The following ZFHX3 variants were observed in gnomAD, a reference collection of about 807,000 sequenced individuals.
ZFHX3 encodes the protein zinc finger homeobox 3.
ZFHX3 carries 42 observed loss-of-function variants against 279.1 expected under a neutral mutation model. The observed-to-expected ratio is 0.15, with a 90% CI of 0.12 to 0.19. The LOEUF (loss-of-function observed/expected upper bound fraction) is 0.19, where lower values mean the gene tolerates loss of function less well. ZFHX3 is among the 10% of genes least tolerant of loss of function. The pLI, the probability that ZFHX3 is intolerant of heterozygous loss-of-function variation, is 1.00. For synonymous variants in ZFHX3, 2,293 were observed against 1,957.8 expected, an observed-to-expected ratio of 1.17 and a Z score of -4.52; for missense variants, 4,981 against 4,754.0, an observed-to-expected ratio of 1.05 and a Z score of -1.40.
At chr16:73,355,087 T>C (rs1204193014) in intron 3 of ZFHX3, among the ~76,000 whole-genome samples, 1 of 152,154 alleles carries the variant, frequency 6.6e-6, no homozygotes. Context: ...GCTAATCTCC[T>C]AGAGGTGTGT....
intron 7 of ZFHX3, among the ~76,000 whole-genome samples, chr16:72,810,774 C>T (rs1459529502): frequency 2.6e-5 from 4 of 152,112 alleles, no homozygotes; most frequent in Admixed American, 6.5e-5. Flanking sequence ...TTGGAAATTG[C>T]GGGTTCAAAT....
chr16:72,852,288 G>A (rs1597310897), intron 4 of ZFHX3, among the ~76,000 whole-genome samples: 1 of 152,210 alleles, frequency 6.6e-6, no homozygotes, highest in South Asian at 2.1e-4. Context: ...TATATACTAG[G>A]TCCAAATTCG....
intron 2 of ZFHX3, among the ~76,000 whole-genome samples, chr16:73,563,929 T>C (rs540699005): frequency 1.8e-4 from 27 of 152,276 alleles, no homozygotes; most frequent in African/African-American, 6.3e-4. Flanking sequence ...GACTGCTAGA[T>C]CAACTTCTCA....
At chr16:73,373,547 T>C (rs1036684525) in intron 3 of ZFHX3, among the ~76,000 whole-genome samples, 2 of 152,190 alleles carry the variant, frequency 1.3e-5, no homozygotes, top group Non-Finnish European at 2.9e-5. Context: ...GTTCAACTCC[T>C]GCTAGCCAGA....
chr16:73,883,962 C>G (rs1242725949), intron 1 of ZFHX3, among the ~76,000 whole-genome samples: 1 of 152,148 alleles, frequency 6.6e-6, no homozygotes, highest in East Asian at 1.9e-4. Flanking sequence ...AGATTCTTAT[C>G]TAAATCAAGT....
intron 2 of ZFHX3, among the ~76,000 whole-genome samples, chr16:73,621,844 A>G (rs562001378): frequency 6.6e-6 from 1 of 152,314 alleles, no homozygotes; most frequent in East Asian, 1.9e-4. Flanking sequence ...TTCAAACATA[A>G]AAATAGATAT....
At chr16:72,843,435 C>T (rs577838135) in intron 4 of ZFHX3, among the ~76,000 whole-genome samples, 2 of 149,752 alleles carry the variant, frequency 1.3e-5, no homozygotes, top group Admixed American at 6.7e-5. Context: ...GGCGTGAACC[C>T]GGGAGACGGA....
intron 3 of ZFHX3, among the ~76,000 whole-genome samples, chr16:72,897,981 A>G (rs2038939194): frequency 1.3e-5 from 2 of 152,202 alleles, no homozygotes; most frequent in South Asian, 2.1e-4. Context: ...CCAGGTGTTC[A>G]CCTTGAATGC....
At chr16:73,498,187 C>T (rs929047881) in intron 2 of ZFHX3, among the ~76,000 whole-genome samples, 2 of 152,190 alleles carry the variant, frequency 1.3e-5, no homozygotes, top group African/African-American at 4.8e-5. Flanking sequence ...CCCATCAACA[C>T]TCACCAAATT....
intron 6 of ZFHX3, chr16:73,137,153 G>C (rs890593346): frequency 6.6e-6 from 1 of 152,014 alleles, no homozygotes; most frequent in African/African-American, 2.4e-5. Flanking sequence ...TGATGAGATC[G>C]ATACTGCTTT....
intron 3 of ZFHX3, among the ~76,000 whole-genome samples, chr16:73,327,977 G>A (rs1208369818): frequency 2.6e-5 from 4 of 152,116 alleles, no homozygotes; most frequent in African/African-American, 4.8e-5. Context: ...TTCCTTTACT[G>A]GTCATCAACC....
At chr16:73,540,737 G>A (rs2019996706) in intron 2 of ZFHX3, among the ~76,000 whole-genome samples, 1 of 152,180 alleles carries the variant, frequency 6.6e-6, no homozygotes, top group African/African-American at 2.4e-5. Flanking sequence ...TGTGCTCGGT[G>A]AACATACTCC....
intron 1 of ZFHX3, among the ~76,000 whole-genome samples, chr16:73,058,130 G>A (rs2144738262): frequency 6.9e-6 from 1 of 145,592 alleles, no homozygotes; most frequent in East Asian, 2.0e-4. Context: ...GCCTGGCGGC[G>A]CCTCCAAACT....
rs927889037 is a variant in ZFHX3 at position 73,682,617 on chromosome 16, C to A, written c.-1607-2377G>T. On this transcript the variant is annotated intron_variant, in intron 1 of 17. Transcript: ENST00000641206. ...CCTGGCCAACATGGTGAAACCCCGTCTCTACTAAAAATACAAAAAATGAGC... is the reference window on the plus strand; with the variant it reads ...CCTGGCCAACATGGTGAAACCCCGTATCTACTAAAAATACAAAAAATGAGC... Among the ~76,000 whole-genome samples, 3 of 151,872 alleles carry A rather than the reference C, an allele frequency of 2.0e-5. No homozygotes were observed. In the South Asian group the frequency reaches 6.2e-4, roughly 32 times the overall value.
chr16:73,369,597 C>T (rs2016587774), intron 3 of ZFHX3, among the ~76,000 whole-genome samples: 1 of 152,124 alleles, frequency 6.6e-6, no homozygotes, highest in Non-Finnish European at 1.5e-5. Context: ...ATGAAAAAGT[C>T]CGGCTCCACC....
chr16:73,478,394 T>G (rs1021181737), intron 2 of ZFHX3, among the ~76,000 whole-genome samples: 6 of 152,172 alleles, frequency 3.9e-5, no homozygotes, highest in Non-Finnish European at 7.3e-5. Flanking sequence ...CCAGGCTTCT[T>G]CCCTGCTAGT....
intron 3 of ZFHX3, among the ~76,000 whole-genome samples, chr16:72,931,479 G>A (rs987778036): frequency 1.3e-4 from 19 of 148,994 alleles, no homozygotes; most frequent in Admixed American, 4.0e-4. Flanking sequence ...AAAAGAGGTC[G>A]GGGGAAGGGA....
chr16:73,793,537 T>A (rs1268513124), intron 1 of ZFHX3, among the ~76,000 whole-genome samples: 1 of 152,232 alleles, frequency 6.6e-6, no homozygotes, highest in African/African-American at 2.4e-5. Flanking sequence ...GACTACGCGG[T>A]TCATACTAAT....
At chr16:73,601,036 G>C (rs550899244) in intron 2 of ZFHX3, among the ~76,000 whole-genome samples, 2 of 151,726 alleles carry the variant, frequency 1.3e-5, no homozygotes, top group African/African-American at 4.8e-5. Context: ...AATGTTGAGT[G>C]TTTTATTAGC....
Sources: gnomAD v4.1 joint callset for allele counts (sites outside exome capture counted in the v4.1 genomes callset) on GRCh38, gnomAD v4.1.1 for gene constraint, MANE v1.5 for transcripts, NCBI Gene and HGNC (gene_info 2026-07-23, HGNC 2026-07-21) for gene names.